ADGRV1: variants seen among roughly 807,000 people sequenced by gnomAD.
ADGRV1 encodes G-protein coupled receptor 98.
In ADGRV1, 359 loss-of-function variants were observed where a neutral mutation model predicts 596.2. That is an observed-to-expected ratio of 0.60 (90% confidence interval 0.55 to 0.66). The LOEUF is 0.66. Ranked by LOEUF, ADGRV1 falls within the 30% of genes least tolerant of loss-of-function variation. The pLI is 0.00. For synonymous variants in ADGRV1, 2,681 were observed against 2,679.2 expected, an observed-to-expected ratio of 1.00 and a Z score of -0.02; for missense variants, 7,274 against 7,575.6, an observed-to-expected ratio of 0.96 and a Z score of 1.48.
intron 87 of ADGRV1, among the ~76,000 whole-genome samples, chr5:91,126,001 C>T (rs1793716928): frequency 6.6e-6 from 1 of 152,212 alleles, no homozygotes; most frequent in Admixed American, 6.5e-5. Context: ...GCTTTCCATG[C>T]CCACTCTAGT....
At chr5:91,127,080 C>A (rs187427510) in intron 87 of ADGRV1, among the ~76,000 whole-genome samples, 1 of 152,080 alleles carries the variant, frequency 6.6e-6, no homozygotes, top group East Asian at 1.9e-4. Context: ...AGCACCTTTG[C>A]GCTTGCTGGT....
intron 50 of ADGRV1, among the ~76,000 whole-genome samples, chr5:90,734,581 A>AT (rs3045850): frequency 0.022 from 2,190 of 101,096 alleles, 74 homozygotes; most frequent in African/African-American, 0.065. Flanking sequence ...TCTTTAGCCT[A>AT]TTTTTTTTTT....
chr5:90,697,344 C>T (rs546448915), intron 34 of ADGRV1, among the ~76,000 whole-genome samples, 198 bp downstream of exon 34: 1 of 152,160 alleles, frequency 6.6e-6, no homozygotes, highest in Non-Finnish European at 1.5e-5. Context: ...CAAACCAATA[C>T]CATGTTCTAG....
At chr5:90,921,243 T>G (rs962969366) in intron 83 of ADGRV1, among the ~76,000 whole-genome samples, 7 of 152,248 alleles carry the variant, frequency 4.6e-5, no homozygotes, top group Non-Finnish European at 1.0e-4. Flanking sequence ...AATATCACAC[T>G]GTGTGAATGG....
At chr5:90,782,146 C>T (rs906868512) in intron 65 of ADGRV1, among the ~76,000 whole-genome samples, 5 of 152,110 alleles carry the variant, frequency 3.3e-5, no homozygotes, top group Non-Finnish European at 5.9e-5. Flanking sequence ...TATTCAAAGG[C>T]AGAATATGAA....
At chr5:90,883,123 A>G (rs1769951096) in intron 83 of ADGRV1, among the ~76,000 whole-genome samples, 1 of 152,156 alleles carries the variant, frequency 6.6e-6, no homozygotes, top group Admixed American at 6.6e-5. Context: ...TTATCTCTGA[A>G]TTGATTTTGT....
rs542348005 is a variant in ADGRV1 at position 90,662,220 on chromosome 5, C to T, written c.4752+3942C>T. Among the ~76,000 whole-genome samples, 18 of 129,676 alleles carry T rather than the reference C, an allele frequency of 1.4e-4. 1 individual carries two copies. The South Asian group carries it at 3.4e-3, about 24-fold the overall frequency. The allele number at this position is 129,676 out of a possible 152,430, so 85.1% of individuals were successfully genotyped here. On this transcript the variant is annotated intron_variant, in intron 21 of 89. Transcript: ENST00000405460. ...TTTTTTTTTTTTTGAGACGGAGTCA[C>T]GCTCTGTCGCCCACCCAGGCTGGAG...
chr5:90,669,773 A>G (rs1772161346), intron 21 of ADGRV1, among the ~76,000 whole-genome samples: 1 of 152,140 alleles, frequency 6.6e-6, no homozygotes, highest in Admixed American at 6.5e-5. Context: ...CGTGGGTACA[A>G]TTTTCTGTGT....
chr5:90,681,223 CTT>C lies in ADGRV1; in HGVS notation c.5525-89_5525-88del, dbSNP rs1744883170. On this transcript the variant is annotated intron_variant, in intron 26 of 89. Coordinates refer to ENST00000405460, the MANE Select transcript of ADGRV1 (RefSeq NM_032119.4). ...AATGTACTCAATGAATGGAAGGACT[CTT>C]TTCAAAAAGTTGTTCCTTGGCTTTT... 13 of 1,414,150 alleles carry C rather than the reference CTT, an allele frequency of 9.2e-6. No homozygotes were observed. In the East Asian group the frequency reaches 1.4e-4, roughly 15 times the overall value. The allele number at this position is 1,414,150 out of a possible 1,614,324, so 87.6% of individuals were successfully genotyped here. A position where few individuals can be genotyped will look rare whatever the true frequency, so the allele number is the denominator to read the frequency against.
Position 90,939,253 on chromosome 5 carries a change from T to C in ADGRV1, c.17857-26162T>C, listed in dbSNP as rs147002237. Among the ~76,000 whole-genome samples, 22 of 152,332 alleles carry C rather than the reference T, an allele frequency of 1.4e-4. No homozygotes were observed. The East Asian group carries it at 4.2e-3, about 29-fold the overall frequency. On this transcript the variant is annotated intron_variant, in intron 83 of 89. Coordinates refer to ENST00000405460, the MANE Select transcript of ADGRV1 (RefSeq NM_032119.4). The stretch of plus-strand genomic sequence containing the variant: ...ATTTAATTAGATACAAGATACAGAT[T>C]AGAGTTTCTCTCATTAATTAGGTAG...
intron 87 of ADGRV1, among the ~76,000 whole-genome samples, chr5:91,142,974 C>A (rs1211393645): frequency 6.6e-6 from 1 of 152,190 alleles, no homozygotes; most frequent in Non-Finnish European, 1.5e-5. Context: ...TGGCCTGGAT[C>A]CCATGCCTGC....
At chr5:91,096,403 A>G (rs1303213062) in intron 86 of ADGRV1, among the ~76,000 whole-genome samples, 1 of 152,254 alleles carries the variant, frequency 6.6e-6, no homozygotes, top group Non-Finnish European at 1.5e-5. Flanking sequence ...ATGTAATCTC[A>G]ATGGAATCTA....
At chr5:90,564,017 A>G (rs1441987922) in intron 1 of ADGRV1, among the ~76,000 whole-genome samples, 1 of 152,220 alleles carries the variant, frequency 6.6e-6, no homozygotes, top group East Asian at 1.9e-4. Context: ...CTGTTTTTGC[A>G]TAGATGTACT....
chr5:91,142,703 T>C (rs180821370), intron 87 of ADGRV1, among the ~76,000 whole-genome samples: 1 of 152,254 alleles, frequency 6.6e-6, no homozygotes, highest in Non-Finnish European at 1.5e-5. Flanking sequence ...TCTCCTGTAC[T>C]TATTTTACTC....
At chr5:90,971,942 G>A (rs879190846) in intron 84 of ADGRV1, among the ~76,000 whole-genome samples, 1 of 152,184 alleles carries the variant, frequency 6.6e-6, no homozygotes, top group Non-Finnish European at 1.5e-5. Flanking sequence ...TCAGTGTGCT[G>A]TATTCAGGAG....
chr5:91,148,816 C>T lies in ADGRV1; in HGVS notation c.18433-1214C>T, dbSNP rs138134035. 5.1e-4 allele frequency among the ~76,000 whole-genome samples: 78 copies of T among 152,260 alleles called. 1 individual carries two copies. In the East Asian group the frequency reaches 0.015, roughly 29 times the overall value. On this transcript the variant is annotated intron_variant, in intron 87 of 89. Coordinates refer to ENST00000405460, the MANE Select transcript of ADGRV1 (RefSeq NM_032119.4). ...CAGCTGGGAGGGGGTCTGTAATGTG[C>T]AAAGCCACAGGGGTGGAGCTGTCCA... is the stretch of plus-strand genomic sequence containing the variant.
intron 84 of ADGRV1, among the ~76,000 whole-genome samples, chr5:90,967,301 A>C (rs1463018218): frequency 1.3e-5 from 2 of 152,180 alleles, no homozygotes; most frequent in East Asian, 3.8e-4. Flanking sequence ...AACTCATAGA[A>C]TTATTATTAA....
At chr5:90,785,783 A>G (rs1340819251) in intron 67 of ADGRV1, among the ~76,000 whole-genome samples, 1 of 152,166 alleles carries the variant, frequency 6.6e-6, no homozygotes, top group African/African-American at 2.4e-5. Flanking sequence ...AGAAATAGGA[A>G]CGCTTTTACA....
chr5:90,684,423 T>C (rs1395708823), intron 28 of ADGRV1, among the ~76,000 whole-genome samples: 3 of 152,202 alleles, frequency 2.0e-5, no homozygotes, highest in Non-Finnish European at 4.4e-5. Context: ...TTTAAAATTA[T>C]CTAGCACACT....
Sources: allele counts gnomAD v4.1 joint callset (sites outside exome capture counted in the v4.1 genomes callset), GRCh38; gene constraint gnomAD v4.1.1; transcripts MANE v1.5; gene names NCBI Gene and HGNC (gene_info 2026-07-23, HGNC 2026-07-21).